MECR: variants seen among roughly 807,000 people sequenced by gnomAD.
The protein encoded by MECR is enoyl-[acyl-carrier-protein] reductase, mitochondrial.
Under a neutral mutation model 49.1 loss-of-function variants are expected in MECR, and 37 were observed. The ratio of observed to expected loss-of-function variants is 0.75; its 90% CI spans 0.58 to 0.99. MECR has a LOEUF of 0.99. Among genes scored for constraint, MECR ranks in the 50% least tolerant of loss-of-function variants. The pLI is 0.00. For missense variants in MECR, 470 were observed against 479.6 expected (o/e 0.98, Z 0.19); for synonymous variants, 198 against 191.1 (o/e 1.04, Z -0.30).
Position 29,203,174 on chromosome 1 carries a change from C to T in MECR, c.610G>A (p.Ala204Thr), listed in dbSNP as rs1011443165. The change falls in exon 5 of 10, where the codon GCC becomes ACC. Residue 204 changes from alanine to threonine, a missense_variant. Coordinates refer to ENST00000263702, the MANE Select transcript of MECR (RefSeq NM_016011.5). ...SGVGQAVIQI[A>T]AALGLRTINV... ...ATGGTTCTTAGGCCCAGGGCTGCGG[C>T]GATCTGGATGACTGCTTGCCCCACT... is the stretch of plus-strand genomic sequence containing the variant. 1.5e-5 allele frequency: 24 copies of T among 1,586,334 alleles called. No individual in the cohort carries two copies. The highest frequency in any genetic ancestry group is 2.3e-5 in the South Asian group (2 of 87,832).
intron 1 of MECR, among the ~76,000 whole-genome samples, chr1:29,221,662 C>A (rs1054264875): frequency 6.6e-6 from 1 of 152,080 alleles, no homozygotes; most frequent in Non-Finnish European, 1.5e-5. Flanking sequence ...GAATGCTGAG[C>A]TAGGGAGGAA....
chr1:29,170,473 G>T, the MECR span: 9 of 152,260 alleles, frequency 5.9e-5, no homozygotes, highest in African/African-American at 2.2e-4. Flanking sequence ...CTTCATTAAA[G>T]ATGATGCCTC....
At chr1:29,196,365 C>T in intron 7 of MECR, 107 bp from the exon 8 acceptor site, 3 of 957,790 alleles carry the variant, frequency 3.1e-6, no homozygotes, top group South Asian at 1.7e-5. Flanking sequence ...ATAAACCCTG[C>T]TCTCAGAATC....
chr1:29,204,001 G>T (rs1675949917), intron 4 of MECR, among the ~76,000 whole-genome samples: 1 of 152,224 alleles, frequency 6.6e-6, no homozygotes, highest in Non-Finnish European at 1.5e-5. Context: ...GAATGAGACA[G>T]ATCTGGGCAT....
At chr1:29,189,550 T>C (rs1012818308), downstream of MECR, among the ~76,000 whole-genome samples, 3 of 152,224 alleles carry the variant, frequency 2.0e-5, no homozygotes, top group Admixed American at 2.0e-4. Context: ...ACTTGTAAAG[T>C]AGAGAAGAGA....
intron 2 of MECR, 79 bp downstream of exon 2, chr1:29,216,509 C>T: frequency 4.3e-6 from 6 of 1,406,772 alleles, no homozygotes; most frequent in Non-Finnish European, 6.0e-6. Context: ...ATTTCACACC[C>T]ACACCTGAGG....
intron 1 of MECR, among the ~76,000 whole-genome samples, chr1:29,221,712 G>A (rs1270360081): frequency 6.6e-6 from 1 of 152,200 alleles, no homozygotes; most frequent in African/African-American, 2.4e-5. Context: ...GTGACCTGCA[G>A]TATGGATACA....
At chr1:29,184,176 CTTTTT>C in the MECR span, among the ~76,000 whole-genome samples, 1 of 109,994 alleles carries the variant, frequency 9.1e-6, no homozygotes, top group Non-Finnish European at 1.9e-5. Flanking sequence ...CTGTACCCGG[CTTTTT>C]TTTTTTTTTT....
Position 29,193,944 on chromosome 1 carries a change from G to A in MECR, c.*78C>T, listed in dbSNP as rs1040797371. On this transcript the variant is annotated 3_prime_UTR_variant, in exon 10 of 10. Coordinates refer to ENST00000263702, the MANE Select transcript of MECR (RefSeq NM_016011.5). ...GAGAACAGTAGTCTGGGGAAGGTGG[G>A]AGCCCCAACTGAGGGGCCTGCACCC... 3.2e-6 allele frequency: 5 copies of A among 1,541,502 alleles called. No individual in the cohort carries two copies. Among genetic ancestry groups the A allele is most frequent in the Non-Finnish European group, 4.4e-6 (5 of 1,129,640 alleles).
intron 7 of MECR, among the ~76,000 whole-genome samples, chr1:29,199,068 A>T (rs922716114): frequency 5.9e-5 from 9 of 152,174 alleles, no homozygotes; most frequent in African/African-American, 2.2e-4. Flanking sequence ...CCTGCTCATC[A>T]AGCCTGTGAA....
At chr1:29,221,626 C>T (rs771395621) in intron 1 of MECR, among the ~76,000 whole-genome samples, 20 of 152,158 alleles carry the variant, frequency 1.3e-4, no homozygotes, top group Non-Finnish European at 2.9e-4. Context: ...TCTTTGATGG[C>T]TCCCAGGCCT....
chr1:29,196,220 T>C lies in MECR; in HGVS notation c.869A>G (p.Lys290Arg), dbSNP rs1673950974. The change falls in exon 8 of 10, where the codon AAG (lysine) becomes AGG (arginine). Residue 290 changes from lysine (K) to arginine (R), a missense_variant. By Grantham distance (26) the Lys-to-Arg change is conservative. Coordinates refer to ENST00000263702, the MANE Select transcript of MECR (RefSeq NM_016011.5). ...TACCACAGAGGCTACGACGGGCTGCTTGGCCATCCCCCCATAGGTTACCAT... is the reference window on the plus strand; with the variant it reads ...TACCACAGAGGCTACGACGGGCTGCCTGGCCATCCCCCCATAGGTTACCAT... ...GTMVTYGGMA[K>R]QPVVASVSLL... is the part of the protein sequence containing the mutation. 6.2e-7 allele frequency: 1 copy of C among 1,614,060 alleles called. No homozygotes were observed. Among genetic ancestry groups the C allele is most frequent in the Admixed American group, 1.7e-5 (1 of 60,004 alleles).
downstream of MECR, among the ~76,000 whole-genome samples, chr1:29,188,926 C>T (rs1442981938): frequency 6.6e-6 from 1 of 150,992 alleles, no homozygotes; most frequent in Non-Finnish European, 1.5e-5. Flanking sequence ...GCGTGAGCCA[C>T]CACGCCCAGC....
chr1:29,199,964 T>C (rs984101425), intron 7 of MECR, among the ~76,000 whole-genome samples: 1 of 152,026 alleles, frequency 6.6e-6, no homozygotes, highest in Non-Finnish European at 1.5e-5. Flanking sequence ...TCTCACTATG[T>C]TACCCAGGCT....
chr1:29,184,176 CTTT>C, the MECR span, among the ~76,000 whole-genome samples: 8 of 109,944 alleles, frequency 7.3e-5, no homozygotes, highest in South Asian at 5.7e-4. Context: ...CTGTACCCGG[CTTT>C]TTTTTTTTTT....
At chr1:29,213,401 G>GTT (rs202093387) in intron 3 of MECR, among the ~76,000 whole-genome samples, 1 of 148,960 alleles carries the variant, frequency 6.7e-6, no homozygotes. Flanking sequence ...TCCTATTACT[G>GTT]TTTTTTTTTT....
At chr1:29,215,828 G>A (rs1002778020) in intron 3 of MECR, among the ~76,000 whole-genome samples, 177 bp downstream of exon 3, 80 of 152,248 alleles carry the variant, frequency 5.3e-4, no homozygotes, top group Non-Finnish European at 1.1e-3. Context: ...CTGAGATCGC[G>A]CCATTGCACT....
chr1:29,228,043 G>A (rs185633805), intron 1 of MECR, among the ~76,000 whole-genome samples: 1 of 152,134 alleles, frequency 6.6e-6, no homozygotes, highest in East Asian at 1.9e-4. Flanking sequence ...AAGTACCTCA[G>A]GAGTGGGGCC....
chr1:29,180,224 A>G, the MECR span, among the ~76,000 whole-genome samples: 2 of 152,180 alleles, frequency 1.3e-5, no homozygotes, highest in Non-Finnish European at 2.9e-5. Context: ...AAAGTTAGTT[A>G]TGCTGTCAAT....
Sources: allele counts gnomAD v4.1 joint callset (sites outside exome capture counted in the v4.1 genomes callset), GRCh38; gene constraint gnomAD v4.1.1; transcripts MANE v1.5; gene names NCBI Gene and HGNC (gene_info 2026-07-23, HGNC 2026-07-21).